The following BICC1 variants were observed in gnomAD, a reference collection of about 807,000 sequenced individuals.
The protein encoded by BICC1 is protein bicaudal C homolog 1.
In BICC1, 43 loss-of-function variants were observed where a neutral mutation model predicts 111.0. The ratio of observed to expected loss-of-function variants is 0.39; its 90% CI spans 0.30 to 0.50. BICC1 has a LOEUF of 0.50. Among genes scored for constraint, BICC1 ranks in the 20% least tolerant of loss-of-function variants. The pLI is 0.88. For missense variants in BICC1, 1,091 were observed against 1,203.2 expected (o/e 0.91, Z 1.38); for synonymous variants, 467 against 434.4 (o/e 1.07, Z -0.93).
At chr10:58,697,428 G>A (rs1439812577) in intron 2 of BICC1, among the ~76,000 whole-genome samples, 1 of 152,136 alleles carries the variant, frequency 6.6e-6, no homozygotes, top group Non-Finnish European at 1.5e-5. Context: ...TTTTGGTTTT[G>A]TGAAGGTGCA....
rs1564638125 is a variant in BICC1, at chr10:58,830,928, T to C, written c.*2037T>C. The C allele has an allele frequency of 6.6e-6, 1 of 152,352 alleles. No individual in the cohort carries two copies. The highest frequency in any genetic ancestry group is 1.9e-4 in the East Asian group (1 of 5,178). The allele number at this position is 152,352 out of a possible 1,614,324, so 9.4% of individuals were successfully genotyped here. ...ACTCTAAATGTTGTTATGCTTTTAATAAGACCTTCCCAGATAATAATCTTG... is the reference window on the plus strand; with the variant it reads ...ACTCTAAATGTTGTTATGCTTTTAACAAGACCTTCCCAGATAATAATCTTG... On this transcript the variant is annotated 3_prime_UTR_variant, in exon 21 of 21. Coordinates refer to ENST00000373886, the MANE Select transcript of BICC1 (RefSeq NM_001080512.3).
At chr10:58,554,576 G>A (rs181203768) in intron 1 of BICC1, among the ~76,000 whole-genome samples, 2 of 152,150 alleles carry the variant, frequency 1.3e-5, no homozygotes, top group East Asian at 1.9e-4. Flanking sequence ...GTCAGGAGCA[G>A]TGGTTTTGGA....
At chr10:58,589,145 G>A (rs374954055) in intron 1 of BICC1, among the ~76,000 whole-genome samples, 4 of 152,240 alleles carry the variant, frequency 2.6e-5, no homozygotes, top group South Asian at 2.1e-4. Context: ...TGCAGAATTC[G>A]TCCTGTGGCC....
In BICC1 at chr10:58,566,246, G is replaced by A. The variant is rs138892296; in HGVS notation, c.190+52913G>A. Among the ~76,000 whole-genome samples, 23 of 150,510 alleles carry A rather than the reference G, an allele frequency of 1.5e-4. No individual in the cohort carries two copies. In the East Asian group the frequency reaches 1.8e-3, roughly 12 times the overall value. The stretch of plus-strand genomic sequence containing the variant: ...TGTGTATATCTATACATGTACACAC[G>A]TGCATATACATACGTGCATATGTAT... On this transcript the variant is annotated intron_variant, in intron 1 of 20. Transcript: ENST00000373886.
intron 8 of BICC1, 32 bp from the exon 9 acceptor site, chr10:58,793,452 C>T (rs1843243324): frequency 6.3e-7 from 1 of 1,577,862 alleles, no homozygotes; most frequent in Non-Finnish European, 8.6e-7. Flanking sequence ...TAAATTTTTA[C>T]CTCCTACACA....
intron 3 of BICC1, among the ~76,000 whole-genome samples, chr10:58,704,079 C>CCATT (rs775735470): frequency 1.3e-5 from 2 of 152,116 alleles, no homozygotes; most frequent in Non-Finnish European, 1.5e-5. Context: ...GACACTTAAC[C>CCATT]CATTCAAAAT....
chr10:58,780,871 A>G (rs1175777863), intron 3 of BICC1, among the ~76,000 whole-genome samples: 1 of 152,202 alleles, frequency 6.6e-6, no homozygotes, highest in African/African-American at 2.4e-5. Flanking sequence ...TATTGAAAAT[A>G]TGGTTTTTAG....
intron 1 of BICC1, among the ~76,000 whole-genome samples, chr10:58,524,231 C>T (rs987936257): frequency 1.7e-4 from 26 of 152,062 alleles, no homozygotes; most frequent in Non-Finnish European, 2.9e-4. Context: ...AAAAAAAGCC[C>T]GCATTGCCAA....
At chr10:58,617,561 C>T (rs1276107795) in intron 1 of BICC1, among the ~76,000 whole-genome samples, 3 of 152,222 alleles carry the variant, frequency 2.0e-5, no homozygotes, top group Admixed American at 6.5e-5. Context: ...GCCTGGACTG[C>T]TGTCACAGTT....
At chr10:58,749,929 G>A (rs1304833318) in intron 3 of BICC1, among the ~76,000 whole-genome samples, 1 of 152,146 alleles carries the variant, frequency 6.6e-6, no homozygotes, top group East Asian at 1.9e-4. Flanking sequence ...TTTGAAACAT[G>A]GATGCACAGA....
intron 2 of BICC1, among the ~76,000 whole-genome samples, chr10:58,637,777 G>A (rs1588957147): frequency 6.6e-6 from 1 of 152,210 alleles, no homozygotes; most frequent in African/African-American, 2.4e-5. Flanking sequence ...GTTATTGGCT[G>A]TGAGTAGAGG....
At chr10:58,721,336 C>T (rs1261517949) in intron 3 of BICC1, among the ~76,000 whole-genome samples, 1 of 152,186 alleles carries the variant, frequency 6.6e-6, no homozygotes, top group African/African-American at 2.4e-5. Context: ...AACCCAAGTT[C>T]TTATCTCAAG....
intron 2 of BICC1, among the ~76,000 whole-genome samples, chr10:58,696,865 A>C (rs991299505): frequency 2.0e-5 from 3 of 152,182 alleles, no homozygotes; most frequent in African/African-American, 7.2e-5. Context: ...GTGGTGGTGA[A>C]AACAGGGACA....
intron 3 of BICC1, among the ~76,000 whole-genome samples, chr10:58,766,911 A>G (rs372195441): frequency 6.6e-6 from 1 of 151,660 alleles, no homozygotes; most frequent in South Asian, 2.1e-4. Context: ...ACTGGAGGAG[A>G]TTAGCATGTC....
At chr10:58,764,914 C>T (rs977097216) in intron 3 of BICC1, among the ~76,000 whole-genome samples, 2 of 152,062 alleles carry the variant, frequency 1.3e-5, no homozygotes, top group Admixed American at 1.3e-4. Flanking sequence ...AAGGTGATAA[C>T]TGTAAATTAG....
At chr10:58,520,181 A>T (rs1399515306) in intron 1 of BICC1, among the ~76,000 whole-genome samples, 1 of 152,216 alleles carries the variant, frequency 6.6e-6, no homozygotes, top group African/African-American at 2.4e-5. Context: ...TCGTTTTAAG[A>T]TACTGTTCTT....
chr10:58,787,023 G>T lies in BICC1; in HGVS notation c.488G>T (p.Gly163Val). ...ATTAAAAAAGTGATGGAAGAAACCG[G>T]ATGCCATATCCACTTTCCAGATTCC... ...NNIKKVMEET[G>V]CHIHFPDSNR... The change falls in exon 5 of 21, where the codon GGA (glycine) becomes GTA (valine). Residue 163 changes from glycine (G) to valine (V), a missense_variant. Physicochemically the swap from Gly to Val is moderately radical, Grantham distance 109. Transcript: ENST00000373886. The T allele has an allele frequency of 6.2e-7, 1 of 1,607,416 alleles. No individual in the cohort carries two copies. Among genetic ancestry groups the T allele is most frequent in the African/African-American group, 1.3e-5 (1 of 74,480 alleles).
intron 1 of BICC1, among the ~76,000 whole-genome samples, chr10:58,573,073 C>T (rs971972380): frequency 1.3e-5 from 2 of 152,106 alleles, no homozygotes; most frequent in Non-Finnish European, 2.9e-5. Context: ...GACACAACAC[C>T]TTGATGTGGC....
chr10:58,660,880 T>C (rs1267363579), intron 2 of BICC1, among the ~76,000 whole-genome samples: 7 of 152,208 alleles, frequency 4.6e-5, no homozygotes, highest in South Asian at 2.1e-4. Flanking sequence ...TTATGTCTCT[T>C]TAAATATTTC....
Sources: gnomAD v4.1 joint callset for allele counts (sites outside exome capture counted in the v4.1 genomes callset) on GRCh38, gnomAD v4.1.1 for gene constraint, MANE v1.5 for transcripts, NCBI Gene and HGNC (gene_info 2026-07-23, HGNC 2026-07-21) for gene names.